Variants in VLDLR observed in about 807,000 individuals in gnomAD.
The protein encoded by VLDLR is very low density lipoprotein receptor.
In VLDLR, 81 loss-of-function variants were observed where a neutral mutation model predicts 112.7. The ratio of observed to expected loss-of-function variants is 0.72; its 90% CI spans 0.60 to 0.86. VLDLR has a LOEUF of 0.86. VLDLR is among the 40% of genes least tolerant of loss of function. VLDLR has a pLI of 0.00. For synonymous variants in VLDLR, 436 were observed against 384.8 expected, an observed-to-expected ratio of 1.13 and a Z score of -1.56; for missense variants, 1,237 against 1,099.4, an observed-to-expected ratio of 1.13 and a Z score of -1.77.
chr9:2,651,713 G>T (rs902537077), intron 16 of VLDLR, among the ~76,000 whole-genome samples, 161 bp from the exon 17 acceptor site: 2 of 152,224 alleles, frequency 1.3e-5, no homozygotes. Flanking sequence ...ACTACAGCAT[G>T]TGACTCAAAT....
At chr9:2,644,680 G>A in intron 7 of VLDLR, 54 bp from the exon 8 acceptor site, 1 of 1,612,550 alleles carries the variant, frequency 6.2e-7, no homozygotes, top group Non-Finnish European at 8.5e-7. Flanking sequence ...TTTTAAATGT[G>A]AAAGATATTA....
At chr9:2,647,209 T>G (rs1332504225) in intron 11 of VLDLR, among the ~76,000 whole-genome samples, 1 of 152,192 alleles carries the variant, frequency 6.6e-6, no homozygotes, top group African/African-American at 2.4e-5. Flanking sequence ...AGAACTGACC[T>G]TTTAAAAAGG....
chr9:2,622,059 T>C lies in VLDLR; in HGVS notation c.-131T>C, dbSNP rs1816808136. 5.0e-6 allele frequency: 4 copies of C among 794,872 alleles called. No homozygotes were observed. Among genetic ancestry groups the C allele is most frequent in the South Asian group, 3.8e-5 (2 of 53,050 alleles). 49.2% of individuals were successfully genotyped at this position (794,872 alleles called of 1,614,324 possible). A position where few individuals can be genotyped will look rare whatever the true frequency, so the allele number is the denominator to read the frequency against. ...TTCCCCGCTCCCTTCCCCCGCCAAC[T>C]CCTTCCCCTCCTTCTCCCCCTTTCC... On this transcript the variant is annotated 5_prime_UTR_variant, in exon 1 of 19. Coordinates refer to ENST00000382100, the MANE Select transcript of VLDLR (RefSeq NM_003383.5).
intron 7 of VLDLR, 71 bp from the exon 8 acceptor site, chr9:2,644,663 G>T: frequency 6.2e-7 from 1 of 1,606,550 alleles, no homozygotes; most frequent in Non-Finnish European, 8.5e-7. Flanking sequence ...ATCACAAATA[G>T]CCTGGGTTTT....
intron 2 of VLDLR, among the ~76,000 whole-genome samples, chr9:2,638,297 A>C (rs1817682301): frequency 1.3e-5 from 2 of 152,294 alleles, no homozygotes; most frequent in South Asian, 4.1e-4. Context: ...AATTAACTGT[A>C]ATCACTGTCT....
At chr9:2,634,484 C>A (rs749333800) in intron 1 of VLDLR, among the ~76,000 whole-genome samples, 5 of 152,182 alleles carry the variant, frequency 3.3e-5, no homozygotes, top group African/African-American at 1.2e-4. Flanking sequence ...CAATCACATC[C>A]GCCAGAAGGA....
At chr9:2,645,789 T>C (rs944285492) in intron 10 of VLDLR, 44 bp downstream of exon 10, 1 of 1,612,216 alleles carries the variant, frequency 6.2e-7, no homozygotes, top group Non-Finnish European at 8.5e-7. Flanking sequence ...TAAGTCATTG[T>C]CACTTGGGAA....
At chr9:2,627,719 G>A (rs1423739914) in intron 1 of VLDLR, among the ~76,000 whole-genome samples, 1 of 152,038 alleles carries the variant, frequency 6.6e-6, no homozygotes, top group African/African-American at 2.4e-5. Flanking sequence ...AAAAAAATTA[G>A]CTGGGTGTGG....
Position 2,657,745 on chromosome 9 carries a change from A to T in VLDLR, c.*3877A>T, listed in dbSNP as rs1437657547. On this transcript the variant is annotated 3_prime_UTR_variant, in exon 19 of 19. Coordinates refer to ENST00000382100, the MANE Select transcript of VLDLR (RefSeq NM_003383.5). ...CATTGTCTGCTGTCGTCTGTTAAGC[A>T]TCTAACCGGAGTGGGAGGGCACATC... 1 of 152,200 alleles carries T rather than the reference A, an allele frequency of 6.6e-6. No homozygotes were observed. Among genetic ancestry groups the T allele is most frequent in the Non-Finnish European group, 1.5e-5 (1 of 68,058 alleles). 9.4% of individuals were successfully genotyped at this position (152,200 alleles called of 1,614,324 possible). A position where few individuals can be genotyped will look rare whatever the true frequency, so the allele number is the denominator to read the frequency against.
At chr9:2,631,161 A>G (rs1817334097) in intron 1 of VLDLR, among the ~76,000 whole-genome samples, 1 of 152,234 alleles carries the variant, frequency 6.6e-6, no homozygotes, top group Non-Finnish European at 1.5e-5. Flanking sequence ...AAGACAAAAT[A>G]CAACAGATGT....
Position 2,653,852 on chromosome 9 carries a change from A to C in VLDLR, c.2606A>C (p.Asp869Ala). The change falls in exon 19 of 19, where the codon GAT becomes GCT. Residue 869 changes from aspartate (D) to alanine (A), a missense_variant. Physicochemically the swap from Asp to Ala is moderately radical, Grantham distance 126. Coordinates refer to ENST00000382100, the MANE Select transcript of VLDLR (RefSeq NM_003383.5). Reference protein sequence around the residue: ...TYPAISVVSTDDDLA With the variant: ...TYPAISVVSTADDLA ...CCACAGATATCAGTTGTAAGCACAG[A>C]TGATGATCTAGCTTGACTTCTGTGA... 2 of 1,613,942 alleles carry C rather than the reference A, an allele frequency of 1.2e-6. No homozygotes were observed. Among genetic ancestry groups the C allele is most frequent in the South Asian group, 2.2e-5 (2 of 91,080 alleles).
chr9:2,639,380 C>A (rs188380333), intron 2 of VLDLR, among the ~76,000 whole-genome samples: 266 of 152,272 alleles, frequency 1.7e-3, no homozygotes, highest in African/African-American at 5.1e-3. Flanking sequence ...GCCCTACCTC[C>A]TAATAACATC....
Position 2,621,867 on chromosome 9 carries a change from C to T in VLDLR, c.-323C>T. The stretch of plus-strand genomic sequence containing the variant: ...TCTGTGCTCTCTTCTGCTCTCGGCT[C>T]CCCACCCCCTCTCCCTTCCCTCCTC... On this transcript the variant is annotated 5_prime_UTR_variant, in exon 1 of 19. Transcript: ENST00000382100. 1 of 580,926 alleles carries T rather than the reference C, an allele frequency of 1.7e-6. No homozygotes were observed. Among genetic ancestry groups the T allele is most frequent in the Non-Finnish European group, 3.2e-6 (1 of 309,456 alleles). 36.0% of individuals were successfully genotyped at this position (580,926 alleles called of 1,614,324 possible).
Position 2,653,692 on chromosome 9 carries a change from T to C in VLDLR, c.2587-141T>C, listed in dbSNP as rs76021934. 1,939 of 841,194 alleles carry C rather than the reference T, an allele frequency of 2.3e-3. 37 individuals carry two copies. In the African/African-American group the frequency reaches 0.029, roughly 13 times the overall value. The allele number at this position is 841,194 out of a possible 1,614,324, so 52.1% of individuals were successfully genotyped here. ...AATGCATGAATGATACAACTCAGTATTCTTTTGTATCTGACTGACTTTTCT... is the reference window on the plus strand; with the variant it reads ...AATGCATGAATGATACAACTCAGTACTCTTTTGTATCTGACTGACTTTTCT... On this transcript the variant is annotated intron_variant, in intron 18 of 18. Transcript: ENST00000382100.
rs1193254725 is a variant in VLDLR at position 2,657,344 on chromosome 9, T to A, written c.*3476T>A. ...AAAAAGCAGATATACTTTTGCTAAT[T>A]TAAGTTGAAGTACTATGAATACAAC... On this transcript the variant is annotated 3_prime_UTR_variant, in exon 19 of 19. Coordinates refer to ENST00000382100, the MANE Select transcript of VLDLR (RefSeq NM_003383.5). 6.6e-6 allele frequency: 1 copy of A among 152,218 alleles called. No individual in the cohort carries two copies. The highest frequency in any genetic ancestry group is 1.5e-5 in the Non-Finnish European group (1 of 68,036). 9.4% of individuals were successfully genotyped at this position (152,218 alleles called of 1,614,324 possible). A position where few individuals can be genotyped will look rare whatever the true frequency, so the allele number is the denominator to read the frequency against.
At chr9:2,631,023 C>T (rs558434791) in intron 1 of VLDLR, among the ~76,000 whole-genome samples, 3 of 152,168 alleles carry the variant, frequency 2.0e-5, no homozygotes, top group Admixed American at 2.0e-4. Flanking sequence ...AGACATTTCT[C>T]AAAAGAGGAC....
chr9:2,651,723 T>C, intron 16 of VLDLR, 151 bp from the exon 17 acceptor site: 1 of 914,890 alleles, frequency 1.1e-6, no homozygotes, highest in Non-Finnish European at 1.7e-6. Context: ...GTGACTCAAA[T>C]ACTTCTAAGC....
Position 2,644,846 on chromosome 9 carries a change from C to T in VLDLR, c.1179C>T (p.Thr393=), listed in dbSNP as rs372577949. The T allele has an allele frequency of 1.3e-4, 211 of 1,614,070 alleles. No individual in the cohort carries two copies. In the Middle Eastern group the frequency reaches 1.5e-3, roughly 11 times the overall value. Reference sequence around the variant, plus strand: ...GGTTTGAACTGATAGATAGGAAAACCTGTGGAGGTGAGTCTAAGAAGAAAA... The same window carrying T: ...GGTTTGAACTGATAGATAGGAAAACTTGTGGAGGTGAGTCTAAGAAGAAAA... ...AAGFELIDRK[T]CGDIDECQNP... The change falls in exon 8 of 19, where the codon ACC becomes ACT. Residue 393 remains threonine, a synonymous_variant. Transcript: ENST00000382100.
At position 2,654,712 on chromosome 9, in the gene VLDLR, T is replaced by C. The variant is rs1030201792; in HGVS notation, c.*844T>C. The C allele has an allele frequency of 6.6e-6, 1 of 151,470 alleles. No homozygotes were observed. Among genetic ancestry groups the C allele is most frequent in the Non-Finnish European group, 1.5e-5 (1 of 67,738 alleles). 9.4% of individuals were successfully genotyped at this position (151,470 alleles called of 1,614,324 possible). A position where few individuals can be genotyped will look rare whatever the true frequency, so the allele number is the denominator to read the frequency against. ...CTTAGTCTGTACCTAGAATTCCTCT[T>C]GGTTAGAGGAGTGAGTTTCTTTTTT... is the stretch of plus-strand genomic sequence containing the variant. On this transcript the variant is annotated 3_prime_UTR_variant, in exon 19 of 19. Transcript: ENST00000382100.
Sources: allele counts gnomAD v4.1 joint callset (sites outside exome capture counted in the v4.1 genomes callset), GRCh38; gene constraint gnomAD v4.1.1; transcripts MANE v1.5; gene names NCBI Gene and HGNC (gene_info 2026-07-23, HGNC 2026-07-21).